ROBO2: variants seen among roughly 807,000 people sequenced by gnomAD.
ROBO2 encodes the protein roundabout homolog 2.
In ROBO2, 53 loss-of-function variants were observed where a neutral mutation model predicts 160.8. That is an observed-to-expected ratio of 0.33 (90% confidence interval 0.26 to 0.41). The LOEUF is 0.41. ROBO2 is among the 10% of genes least tolerant of loss of function. ROBO2 has a pLI of 1.00. For missense variants in ROBO2, 1,577 were observed against 1,722.4 expected (o/e 0.92, Z 1.49); for synonymous variants, 664 against 611.7 (o/e 1.09, Z -1.26).
At chr3:77,022,773 T>C (rs539940799) in intron 2 of ROBO2, among the ~76,000 whole-genome samples, 91 of 152,338 alleles carry the variant, frequency 6.0e-4, no homozygotes, top group African/African-American at 2.1e-3. Flanking sequence ...AACATTTTTT[T>C]CAATTGCAGT....
rs1459615963 is a variant in ROBO2 at position 76,438,356 on chromosome 3, A to C, written c.109+500754A>C. On this transcript the variant is annotated intron_variant, in intron 2 of 26. Coordinates refer to the ROBO2 transcript ENST00000487694. The stretch of plus-strand genomic sequence containing the variant: ...TTGTATGTATGATACATATCAGTTT[A>C]TATGTAACCTAACTTGGGGCCACTT... 3.3e-5 allele frequency among the ~76,000 whole-genome samples: 5 copies of C among 151,874 alleles called. No homozygotes were observed. In the Admixed American group the frequency reaches 3.3e-4, roughly 10 times the overall value.
chr3:77,531,288 C>T (rs2091707161), intron 6 of ROBO2, among the ~76,000 whole-genome samples: 1 of 151,776 alleles, frequency 6.6e-6, no homozygotes, highest in Non-Finnish European at 1.5e-5. Flanking sequence ...TGTAATTGGC[C>T]ACACAAGAAT....
At chr3:77,073,982 A>C (rs966963078) in intron 1 of ROBO2, among the ~76,000 whole-genome samples, 2 of 152,234 alleles carry the variant, frequency 1.3e-5, no homozygotes, top group Admixed American at 6.5e-5. Flanking sequence ...AAAATGAGCT[A>C]TTTTGATAAA....
At chr3:77,547,627 A>C (rs1292928702) in intron 7 of ROBO2, among the ~76,000 whole-genome samples, 1 of 152,066 alleles carries the variant, frequency 6.6e-6, no homozygotes, top group African/African-American at 2.4e-5. Context: ...GTACCAGCTC[A>C]TAGTGAGCAG....
intron 2 of ROBO2, among the ~76,000 whole-genome samples, chr3:76,158,675 T>C (rs1214869171): frequency 6.6e-6 from 1 of 152,102 alleles, no homozygotes; most frequent in Non-Finnish European, 1.5e-5. Context: ...CATATTGAGC[T>C]GGCTTAAGAG....
intron 1 of ROBO2, among the ~76,000 whole-genome samples, chr3:77,069,338 G>A (rs1278065583): frequency 6.6e-6 from 1 of 152,110 alleles, no homozygotes; most frequent in Admixed American, 6.6e-5. Context: ...ATGCTTTGTT[G>A]GCAAAGAAGT....
chr3:76,139,485 A>G (rs966126457), intron 2 of ROBO2, among the ~76,000 whole-genome samples: 1 of 152,068 alleles, frequency 6.6e-6, no homozygotes, highest in Non-Finnish European at 1.5e-5. Context: ...ACTGTTTTCC[A>G]CATTTAAATT....
intron 2 of ROBO2, among the ~76,000 whole-genome samples, chr3:75,960,245 G>A (rs904337460): frequency 2.0e-5 from 3 of 151,740 alleles, no homozygotes; most frequent in African/African-American, 7.3e-5. Flanking sequence ...AGTTTCACTG[G>A]TATGTAGGAT....
At position 77,294,200 on chromosome 3, in the gene ROBO2, A is replaced by G. The variant is rs529063177; in HGVS notation, c.389-183214A>G. 3.5e-5 allele frequency among the ~76,000 whole-genome samples: 5 copies of G among 142,710 alleles called. No individual in the cohort carries two copies. In the South Asian group the frequency reaches 9.1e-4, roughly 26 times the overall value. The allele number at this position is 142,710 out of a possible 152,430, so 93.6% of individuals were successfully genotyped here. The stretch of plus-strand genomic sequence containing the variant: ...TCACCCCAGATGTGAAGTAAAATTG[A>G]CGGCTAAAAGGGTAAGCTGAGACTA... On this transcript the variant is annotated intron_variant, in intron 2 of 25. Coordinates refer to ENST00000461745, the Ensembl canonical transcript of ROBO2.
chr3:77,210,334 A>G (rs1044062035), intron 2 of ROBO2, among the ~76,000 whole-genome samples: 2 of 152,258 alleles, frequency 1.3e-5, no homozygotes, highest in Admixed American at 6.5e-5. Context: ...GTTCTTCAAC[A>G]TATTTTGTAA....
At chr3:77,018,883 T>C (rs2062447628) in intron 2 of ROBO2, among the ~76,000 whole-genome samples, 1 of 152,110 alleles carries the variant, frequency 6.6e-6, no homozygotes, top group Admixed American at 6.6e-5. Context: ...TCCAAATTAC[T>C]AGGAGTAAGG....
intron 1 of ROBO2, among the ~76,000 whole-genome samples, chr3:77,068,233 G>A (rs963279187): frequency 2.6e-5 from 4 of 151,992 alleles, no homozygotes; most frequent in Admixed American, 6.6e-5. Flanking sequence ...TTTACATCAA[G>A]GGGGTAAGCC....
At chr3:76,435,205 T>G in intron 2 of ROBO2, 3 of 1,425,066 alleles carry the variant, frequency 2.1e-6, no homozygotes. Flanking sequence ...GTTCAGGTAA[T>G]GGGTAAAGTG....
chr3:75,983,207 G>C (rs76574127), intron 2 of ROBO2, among the ~76,000 whole-genome samples: 2,450 of 151,530 alleles, frequency 0.016, 64 homozygotes, highest in African/African-American at 0.056. Context: ...TTCTGACCTT[G>C]AGTCAAAAGC....
chr3:76,435,680 T>C lies in ROBO2; in HGVS notation c.109+498078T>C, dbSNP rs144339456. Among the ~76,000 whole-genome samples the C allele has an allele frequency of 9.7e-3, 1,479 of 152,290 alleles. 21 individuals are homozygous for C. Among genetic ancestry groups the C allele is most frequent in the African/African-American group, 0.034 (1,416 of 41,560 alleles). On this transcript the variant is annotated intron_variant, in intron 2 of 26. Transcript: ENST00000487694. ...CAACCATGCCGCCAGTCCATTCTTA[T>C]GGAACTGCCGACTAGGACTATGATG...
At chr3:77,526,232 A>T (rs1454694677) in intron 6 of ROBO2, among the ~76,000 whole-genome samples, 1 of 151,506 alleles carries the variant, frequency 6.6e-6, no homozygotes, top group African/African-American at 2.4e-5. Context: ...TTATAAGACC[A>T]TGGCTCTCAT....
intron 2 of ROBO2, among the ~76,000 whole-genome samples, chr3:76,492,940 G>A (rs2079914504): frequency 6.6e-6 from 1 of 151,874 alleles, no homozygotes; most frequent in South Asian, 2.1e-4. Context: ...TTTTTACATT[G>A]TACATTGGTT....
At chr3:76,013,222 G>A (rs956524366) in intron 2 of ROBO2, among the ~76,000 whole-genome samples, 38 of 143,988 alleles carry the variant, frequency 2.6e-4, no homozygotes, top group Non-Finnish European at 5.1e-4. Context: ...TGACTGGTAC[G>A]GTGGCTTATG....
At position 77,040,832 on chromosome 3, in the gene ROBO2, A is replaced by G. The variant is rs779002469; in HGVS notation, c.47A>G (p.Tyr16Cys). The G allele has an allele frequency of 9.3e-6, 15 of 1,613,842 alleles. No individual in the cohort carries two copies. The African/African-American group carries it at 1.5e-4, about 16-fold the overall frequency. Residue 16 changes from tyrosine (Y) to cysteine (C), a missense_variant, in exon 1 of 26, where the codon TAT becomes TGT. Physicochemically the swap from Tyr to Cys is radical, Grantham distance 194 (BLOSUM62 -2). Transcript: ENST00000461745. ...CAACTACTGCTCTGTGGATTTTTAT[A>G]TGTTCGGGTTGATGGTAAGTTAAAA...
Sources: gnomAD v4.1 joint callset for allele counts (sites outside exome capture counted in the v4.1 genomes callset) on GRCh38, gnomAD v4.1.1 for gene constraint, MANE v1.5 for transcripts, NCBI Gene and HGNC (gene_info 2026-07-23, HGNC 2026-07-21) for gene names.